The following COL4A1 variants were observed in gnomAD, a reference collection of about 807,000 sequenced individuals.
COL4A1 encodes collagen alpha-1(IV) chain.
COL4A1 carries 40 observed loss-of-function variants against 216.6 expected under a neutral mutation model. The ratio of observed to expected loss-of-function variants is 0.18; its 90% confidence interval spans 0.14 to 0.24. The LOEUF (loss-of-function observed/expected upper bound fraction) is 0.24, where lower values mean the gene tolerates loss of function less well. Among genes scored for constraint, COL4A1 ranks in the 10% least tolerant of loss-of-function variants. COL4A1 has a pLI of 1.00. For synonymous variants in COL4A1, 839 were observed against 810.7 expected (o/e 1.03, Z -0.59); for missense variants, 1,628 against 2,196.8 (o/e 0.74, Z 5.18).
chr13:110,249,215 T>C (rs1336763051), intron 1 of COL4A1, among the ~76,000 whole-genome samples: 1 of 151,120 alleles, frequency 6.6e-6, no homozygotes, highest in Non-Finnish European at 1.5e-5. Flanking sequence ...ACAAGGGAGG[T>C]TTCTGGGGTG....
At chr13:110,288,902 C>T (rs1189843589) in intron 1 of COL4A1, among the ~76,000 whole-genome samples, 1 of 152,160 alleles carries the variant, frequency 6.6e-6, no homozygotes, top group Admixed American at 6.5e-5. Flanking sequence ...TGTGGTGGCG[C>T]ACGCCTGTAA....
chr13:110,181,548 A>T (rs981958508), intron 28 of COL4A1, among the ~76,000 whole-genome samples, 159 bp from the exon 29 acceptor site: 1 of 152,136 alleles, frequency 6.6e-6, no homozygotes, highest in African/African-American at 2.4e-5. Context: ...AGGCCAGGGG[A>T]GACTGCCCGG....
rs189490446 is a variant in COL4A1 at position 110,223,489 on chromosome 13, C to T, written c.145-9474G>A. Among the ~76,000 whole-genome samples, 328 of 152,304 alleles carry T rather than the reference C, an allele frequency of 2.2e-3. 2 individuals are homozygous for T. The highest frequency in any genetic ancestry group is 7.4e-3 in the African/African-American group (306 of 41,560). On this transcript the variant is annotated intron_variant, in intron 2 of 51. Transcript: ENST00000375820. Reference sequence around the variant, plus strand: ...CTCATTAAAACCAAAATCACAGATGCCTCTTTCTAAACCTACTACCTAACA... The same window carrying T: ...CTCATTAAAACCAAAATCACAGATGTCTCTTTCTAAACCTACTACCTAACA...
chr13:110,178,839 C>T (rs1878009334), intron 31 of COL4A1, 84 bp downstream of exon 31: 1 of 1,049,906 alleles, frequency 9.5e-7, no homozygotes, highest in Non-Finnish European at 1.4e-6. Flanking sequence ...CTAAGCTTCA[C>T]TTTATAGGGA....
chr13:110,252,814 A>G (rs1054352578), intron 1 of COL4A1, among the ~76,000 whole-genome samples: 1 of 132,296 alleles, frequency 7.6e-6, no homozygotes, highest in Admixed American at 8.4e-5. Flanking sequence ...ACAGATAACT[A>G]TAAGTACGTA....
At chr13:110,154,352 T>C (rs1192204) in intron 50 of COL4A1, among the ~76,000 whole-genome samples, 127,514 of 152,286 alleles carry the variant, frequency 0.84, 53,447 homozygotes, top group Non-Finnish European at 0.85. Flanking sequence ...TTGGCTTTTG[T>C]GGGAAAGGGA....
At chr13:110,292,959 A>C (rs1338730823) in intron 1 of COL4A1, among the ~76,000 whole-genome samples, 1 of 152,246 alleles carries the variant, frequency 6.6e-6, no homozygotes, top group Non-Finnish European at 1.5e-5. Context: ...CCTCAAATTC[A>C]TAAGTAGATT....
intron 31 of COL4A1, 88 bp from the exon 32 acceptor site, chr13:110,178,319 G>A (rs1345947116): frequency 1.9e-6 from 3 of 1,556,978 alleles, no homozygotes; most frequent in South Asian, 1.1e-5. Flanking sequence ...ATGACTTTCT[G>A]CAGAAAGCCC....
rs139644011 is a variant in COL4A1 at position 110,163,784 on chromosome 13, G to A, written c.4151-223C>T. 6.6e-5 allele frequency among the ~76,000 whole-genome samples: 10 copies of A among 152,192 alleles called. No individual in the cohort carries two copies. In the East Asian group the frequency reaches 1.9e-3, roughly 29 times the overall value. On this transcript the variant is annotated intron_variant, in intron 46 of 51. Coordinates refer to ENST00000375820, the MANE Select transcript of COL4A1 (RefSeq NM_001845.6). ...AAGGGGGTGTGTGTTTGGGCACCTC[G>A]TTCTGAGTTCTCCCTGGTTTCTTGC...
intron 43 of COL4A1, among the ~76,000 whole-genome samples, chr13:110,168,327 T>C (rs1052068996): frequency 1.3e-5 from 2 of 152,226 alleles, no homozygotes; most frequent in Admixed American, 1.3e-4. Flanking sequence ...GAATGGGGTA[T>C]ATTTCTATGT....
chr13:110,156,750 T>A (rs2138422478), intron 49 of COL4A1, among the ~76,000 whole-genome samples: 1 of 152,380 alleles, frequency 6.6e-6, no homozygotes, highest in Admixed American at 6.5e-5. Context: ...ACAATGCTGA[T>A]AAATGACTAT....
rs886541578 is a variant in COL4A1, at chr13:110,214,278, C to A, written c.145-263G>T. On this transcript the variant is annotated intron_variant, in intron 2 of 51. Coordinates refer to ENST00000375820, the MANE Select transcript of COL4A1 (RefSeq NM_001845.6). Reference sequence around the variant, plus strand: ...CTAATTTTTGTATTTTTAGTAGAGGCAGGGTTTCACCATGTTGGCCAGGCT... The same window carrying A: ...CTAATTTTTGTATTTTTAGTAGAGGAAGGGTTTCACCATGTTGGCCAGGCT... Among the ~76,000 whole-genome samples the A allele has an allele frequency of 9.2e-5, 14 of 152,000 alleles. 1 individual carries two copies. The highest frequency in any genetic ancestry group is 1.8e-4 in the Non-Finnish European group (12 of 67,994).
intron 1 of COL4A1, among the ~76,000 whole-genome samples, chr13:110,299,547 T>A (rs1415764605): frequency 6.6e-6 from 1 of 152,198 alleles, no homozygotes; most frequent in Non-Finnish European, 1.5e-5. Flanking sequence ...ATTTGCTCCC[T>A]AAGGAAAGCA....
At chr13:110,150,502 T>G in intron 51 of COL4A1, 58 bp from the exon 52 acceptor site, 1 of 1,531,884 alleles carries the variant, frequency 6.5e-7, no homozygotes, top group Non-Finnish European at 9.0e-7. Flanking sequence ...GTCAGAAACA[T>G]GGCACTCCTG....
intron 2 of COL4A1, among the ~76,000 whole-genome samples, chr13:110,217,301 GT>G (rs1312753715): frequency 3.9e-5 from 6 of 152,208 alleles, no homozygotes; most frequent in Admixed American, 2.6e-4. Context: ...TGGACATGTT[GT>G]GCAAAGGTTA....
At chr13:110,163,323 C>T (rs1877171843) in intron 47 of COL4A1, 140 bp downstream of exon 47, 1 of 756,182 alleles carries the variant, frequency 1.3e-6, no homozygotes, top group East Asian at 2.7e-5. Flanking sequence ...GATTCTATTT[C>T]TTCTAAGAAA....
chr13:110,185,622 A>G (rs1429951365), intron 26 of COL4A1, among the ~76,000 whole-genome samples: 1 of 152,176 alleles, frequency 6.6e-6, no homozygotes, highest in African/African-American at 2.4e-5. Flanking sequence ...GGGATTTTCT[A>G]GGGAAGAACA....
chr13:110,277,041 G>A (rs1883457525), intron 1 of COL4A1, among the ~76,000 whole-genome samples: 1 of 152,202 alleles, frequency 6.6e-6, no homozygotes, highest in Admixed American at 6.5e-5. Flanking sequence ...CCAGTTATCT[G>A]CCTGACCTCA....
intron 2 of COL4A1, among the ~76,000 whole-genome samples, chr13:110,222,380 G>A (rs1025021149): frequency 6.6e-6 from 1 of 152,182 alleles, no homozygotes; most frequent in Non-Finnish European, 1.5e-5. Flanking sequence ...CTTGGGTGAG[G>A]AGTCTCCGTG....
Sources: gnomAD v4.1 joint callset for allele counts (sites outside exome capture counted in the v4.1 genomes callset) on GRCh38, gnomAD v4.1.1 for gene constraint, MANE v1.5 for transcripts, NCBI Gene and HGNC (gene_info 2026-07-23, HGNC 2026-07-21) for gene names.